The following HS3ST4 variants were observed in gnomAD, a reference collection of about 807,000 sequenced individuals.
HS3ST4 encodes heparan sulfate glucosamine 3-O-sulfotransferase 4.
In HS3ST4, 17 loss-of-function variants were observed where a neutral mutation model predicts 29.2. The ratio of observed to expected loss-of-function variants is 0.58; its 90% confidence interval spans 0.40 to 0.87. The LOEUF is 0.87. Among genes scored for constraint, HS3ST4 ranks in the 40% least tolerant of loss-of-function variants. The pLI, the probability that HS3ST4 is intolerant of heterozygous loss-of-function variation, is 0.00. For synonymous variants in HS3ST4, 314 were observed against 285.7 expected, an observed-to-expected ratio of 1.10 and a Z score of -1.00; for missense variants, 627 against 634.5, an observed-to-expected ratio of 0.99 and a Z score of 0.13.
At chr16:25,828,274 T>C (rs1164352090) in intron 1 of HS3ST4, among the ~76,000 whole-genome samples, 1,478 of 87,528 alleles carry the variant, frequency 0.017, 117 homozygotes, top group African/African-American at 0.044. Flanking sequence ...CTTTCTTTCT[T>C]TCTTTCTTTC....
chr16:25,900,051 T>C (rs181836803), intron 1 of HS3ST4, among the ~76,000 whole-genome samples: 1 of 152,372 alleles, frequency 6.6e-6, no homozygotes, highest in Admixed American at 6.5e-5. Context: ...AGCTAGAAGT[T>C]CTGTCATGCA....
chr16:25,992,320 A>G (rs938705375), intron 1 of HS3ST4, among the ~76,000 whole-genome samples: 5 of 152,224 alleles, frequency 3.3e-5, no homozygotes, highest in Non-Finnish European at 7.3e-5. Flanking sequence ...AGGACTTCCT[A>G]GAGAAATTGA....
intron 1 of HS3ST4, among the ~76,000 whole-genome samples, chr16:25,838,571 A>T (rs1258461523): frequency 6.6e-6 from 1 of 152,186 alleles, no homozygotes; most frequent in Non-Finnish European, 1.5e-5. Flanking sequence ...GAGTCTTTGG[A>T]TAATTCCACA....
intron 1 of HS3ST4, among the ~76,000 whole-genome samples, chr16:25,913,369 C>T (rs149628227): frequency 6.6e-6 from 1 of 152,362 alleles, no homozygotes; most frequent in Non-Finnish European, 1.5e-5. Flanking sequence ...CTGAGGGAGC[C>T]TGTGCACCCC....
chr16:25,799,421 A>G (rs1429903100), intron 1 of HS3ST4, among the ~76,000 whole-genome samples: 4 of 152,240 alleles, frequency 2.6e-5, no homozygotes, highest in African/African-American at 9.6e-5. Context: ...TTCAGAGATA[A>G]GAGAAATTAC....
intron 1 of HS3ST4, among the ~76,000 whole-genome samples, chr16:25,697,053 T>C (rs1966303026): frequency 6.6e-6 from 1 of 152,246 alleles, no homozygotes; most frequent in South Asian, 2.1e-4. Flanking sequence ...TCTTCCCTTG[T>C]ACCACACTGC....
intron 1 of HS3ST4, among the ~76,000 whole-genome samples, chr16:25,807,497 T>G (rs1967000990): frequency 1.3e-5 from 2 of 152,234 alleles, no homozygotes; most frequent in Non-Finnish European, 2.9e-5. Flanking sequence ...AGCAGTTACT[T>G]CTTTTTATTA....
chr16:25,827,525 T>C (rs918853328), intron 1 of HS3ST4, among the ~76,000 whole-genome samples: 2 of 83,802 alleles, frequency 2.4e-5, no homozygotes, highest in Non-Finnish European at 4.8e-5. Flanking sequence ...AGAATAATGC[T>C]GTCTTCACAA....
rs377154180 is a variant in HS3ST4, at chr16:26,102,070, G to T, written c.735-33542G>T. 4.2e-4 allele frequency among the ~76,000 whole-genome samples: 64 copies of T among 152,154 alleles called. No homozygotes were observed. The South Asian group carries it at 0.013, about 31-fold the overall frequency. On this transcript the variant is annotated intron_variant, in intron 1 of 1. Transcript: ENST00000331351. ...CCTTCCTTCATAGATATAACAGAAA[G>T]AAAACATTGTATTATACAAGAACAT...
At chr16:26,099,870 G>C (rs867931499) in intron 1 of HS3ST4, among the ~76,000 whole-genome samples, 2 of 152,068 alleles carry the variant, frequency 1.3e-5, no homozygotes, top group Non-Finnish European at 2.9e-5. Context: ...AGGGAGAAAG[G>C]CTAGAGAAAA....
intron 1 of HS3ST4, among the ~76,000 whole-genome samples, chr16:25,730,162 G>A (rs1448796522): frequency 6.6e-6 from 1 of 152,150 alleles, no homozygotes; most frequent in Non-Finnish European, 1.5e-5. Flanking sequence ...GTTAAATTAT[G>A]TCCTGGGTCT....
chr16:26,014,670 G>T (rs879627692), intron 1 of HS3ST4, among the ~76,000 whole-genome samples: 3 of 152,114 alleles, frequency 2.0e-5, no homozygotes, highest in Non-Finnish European at 4.4e-5. Flanking sequence ...TAAAGAACAC[G>T]ATCTTGATCT....
chr16:25,712,761 GA>G (rs531516398), intron 1 of HS3ST4, among the ~76,000 whole-genome samples: 2 of 152,142 alleles, frequency 1.3e-5, no homozygotes, highest in Non-Finnish European at 2.9e-5. Context: ...TTTCATATGA[GA>G]AAAGAATCCC....
At chr16:25,898,616 T>G (rs1340361012) in intron 1 of HS3ST4, among the ~76,000 whole-genome samples, 1 of 152,212 alleles carries the variant, frequency 6.6e-6, no homozygotes, top group Non-Finnish European at 1.5e-5. Context: ...AATTATAGCT[T>G]TCATTCAAAT....
rs1189165076 is a variant in HS3ST4 at position 25,692,484 on chromosome 16, C to G, written c.67C>G (p.Pro23Ala). The change falls in exon 1 of 2, where the codon CCC becomes GCC. Residue 23 changes from proline (P) to alanine (A), a missense_variant. Coordinates refer to ENST00000331351, the MANE Select transcript of HS3ST4 (RefSeq NM_006040.3). The stretch of plus-strand genomic sequence containing the variant: ...TCCACCTCTGGCCGCGCCGCCGCCG[C>G]CCGGCGCCTCTGCTAAGGGGCCGCC... ...PPPPLAAPPPPGASAKGPPAR... is the reference protein window; with the variant it reads ...PPPPLAAPPPAGASAKGPPAR... The G allele has an allele frequency of 1.5e-6, 2 of 1,377,624 alleles. No homozygotes were observed. Among genetic ancestry groups the G allele is most frequent in the Admixed American group, 5.1e-5 (2 of 39,264 alleles). The allele number at this position is 1,377,624 out of a possible 1,614,324, so 85.3% of individuals were successfully genotyped here. A position where few individuals can be genotyped will look rare whatever the true frequency, so the allele number is the denominator to read the frequency against.
intron 1 of HS3ST4, among the ~76,000 whole-genome samples, chr16:25,890,334 T>G (rs1179374003): frequency 6.6e-6 from 1 of 152,188 alleles, no homozygotes; most frequent in Non-Finnish European, 1.5e-5. Flanking sequence ...CCATCAAGGA[T>G]GGATTTGTTA....
chr16:25,820,045 A>G lies in HS3ST4; in HGVS notation c.734+126894A>G, dbSNP rs1278437187. ...AAAAAAAAAAAAAAAAAAAAAAAAA[A>G]AAAAGAAAAAGAAAAAAAGAGGAAA... On this transcript the variant is annotated intron_variant, in intron 1 of 1. Transcript: ENST00000331351. 2.7e-5 allele frequency among the ~76,000 whole-genome samples: 4 copies of G among 146,872 alleles called. No individual in the cohort carries two copies. In the East Asian group the frequency reaches 5.9e-4, roughly 22 times the overall value.
intron 1 of HS3ST4, among the ~76,000 whole-genome samples, chr16:26,123,338 C>T (rs1248960240): frequency 1.3e-5 from 2 of 152,154 alleles, no homozygotes; most frequent in African/African-American, 4.8e-5. Context: ...TCAACACTTC[C>T]TTAGCCACAC....
At chr16:25,969,870 A>G (rs753545540) in intron 1 of HS3ST4, among the ~76,000 whole-genome samples, 8 of 152,320 alleles carry the variant, frequency 5.3e-5, no homozygotes, top group Non-Finnish European at 1.0e-4. Flanking sequence ...CTGGTTATTC[A>G]GTGTGAGCTC....
Sources: allele counts gnomAD v4.1 joint callset (sites outside exome capture counted in the v4.1 genomes callset), GRCh38; gene constraint gnomAD v4.1.1; transcripts MANE v1.5; gene names NCBI Gene and HGNC (gene_info 2026-07-23, HGNC 2026-07-21).